LRP1B: variants seen among roughly 807,000 people sequenced by gnomAD.
The protein encoded by LRP1B is low-density lipoprotein receptor-related protein 1B.
Under a neutral mutation model 556.6 loss-of-function variants are expected in LRP1B, and 217 were observed. That is an observed-to-expected ratio of 0.39 (90% CI 0.35 to 0.44). The LOEUF (loss-of-function observed/expected upper bound fraction) is 0.44, where lower values mean the gene tolerates loss of function less well. LRP1B is among the 20% of genes least tolerant of loss of function. The pLI is 1.00. For missense variants in LRP1B, 5,053 were observed against 5,620.8 expected (o/e 0.90, Z 3.23); for synonymous variants, 2,047 against 1,865.8 (o/e 1.10, Z -2.50).
chr2:141,816,755 G>C (rs114160597), intron 1 of LRP1B, among the ~76,000 whole-genome samples: 2,028 of 151,818 alleles, frequency 0.013, 15 homozygotes, highest in Non-Finnish European at 0.021. Context: ...CATGTATATA[G>C]AGATATACAC....
intron 3 of LRP1B, among the ~76,000 whole-genome samples, chr2:141,397,113 CAAA>C (rs5834824): frequency 1.4e-4 from 6 of 41,956 alleles, no homozygotes; most frequent in African/African-American, 2.5e-4. Flanking sequence ...AACTTTGTCT[CAAA>C]AAAAAAAAAA....
chr2:140,288,791 C>T (rs1193507309), intron 84 of LRP1B, among the ~76,000 whole-genome samples: 1 of 151,774 alleles, frequency 6.6e-6, no homozygotes, highest in Non-Finnish European at 1.5e-5. Context: ...TAAAAGGTTA[C>T]TGTTAGCTGT....
chr2:140,847,874 A>G (rs1284402503), intron 29 of LRP1B, among the ~76,000 whole-genome samples: 1 of 152,118 alleles, frequency 6.6e-6, no homozygotes, highest in African/African-American at 2.4e-5. Flanking sequence ...GTGAGAAAAC[A>G]TTTTTGCTCA....
At chr2:140,486,837 GCTTA>G (rs1442299311) in intron 58 of LRP1B, among the ~76,000 whole-genome samples, 1 of 151,584 alleles carries the variant, frequency 6.6e-6, no homozygotes, top group Non-Finnish European at 1.5e-5. Flanking sequence ...CTTGAATCCA[GCTTA>G]CTATTTGTTT....
At position 140,950,326 on chromosome 2, in the gene LRP1B, A is replaced by C; in HGVS notation, c.3045T>G (p.Ser1015Arg). ...CCCAGTGGCCTGGGATGCATCTGCC[A>C]CTGGAACATCTGAACTGATTATCAA... ...SCFDNQFRCS[S>R]GRCIPGHWAC... The change falls in exon 20 of 91, where the codon AGT becomes AGG. Residue 1015 changes from serine (S) to arginine (R), a missense_variant. This residue lies in a region of LRP1B where 3,619 missense variants were observed against 3,931.9 expected (regional missense o/e 0.92). Transcript: ENST00000389484. 6.2e-7 allele frequency: 1 copy of C among 1,613,224 alleles called. No homozygotes were observed. Among genetic ancestry groups the C allele is most frequent in the South Asian group, 1.1e-5 (1 of 90,926 alleles).
rs1441451 is a variant in LRP1B, at chr2:140,747,351, C to A, written c.5758+21862G>T. On this transcript the variant is annotated intron_variant, in intron 35 of 90. Coordinates refer to ENST00000389484, the MANE Select transcript of LRP1B (RefSeq NM_018557.3). The stretch of plus-strand genomic sequence containing the variant: ...CCTTAGGTACTTTGTTTCTATGCAG[C>A]CTCTCTGCATGATTTCTCCAGCATG... Among the ~76,000 whole-genome samples the A allele has an allele frequency of 3.1e-3, 467 of 152,290 alleles. 21 individuals are homozygous for A. The East Asian group carries it at 0.085, about 28-fold the overall frequency.
chr2:140,598,654 C>G lies in LRP1B; in HGVS notation c.7171G>C (p.Glu2391Gln), dbSNP rs1483841935. 6.2e-6 allele frequency: 10 copies of G among 1,613,388 alleles called. No individual in the cohort carries two copies. The highest frequency in any genetic ancestry group is 5.9e-6 in the Non-Finnish European group (7 of 1,179,554). Residue 2391 changes from glutamate (E) to glutamine (Q), a missense_variant, in exon 43 of 91, where the codon GAA (glutamate) becomes CAA (glutamine). Transcript: ENST00000389484. ...DGSLGKIERC[E>Q]YDGSQRHVIV... ...ACATGTCTCTGGGATCCATCGTATTCACACCTTTCAATTTTTCCTAGACTG... is the reference window on the plus strand; with the variant it reads ...ACATGTCTCTGGGATCCATCGTATTGACACCTTTCAATTTTTCCTAGACTG...
At chr2:140,580,435 A>G (rs1459096554) in intron 43 of LRP1B, among the ~76,000 whole-genome samples, 1 of 152,238 alleles carries the variant, frequency 6.6e-6, no homozygotes, top group Non-Finnish European at 1.5e-5. Flanking sequence ...GTGATGAAGC[A>G]TCATTTTAAC....
intron 67 of LRP1B, among the ~76,000 whole-genome samples, chr2:140,384,313 G>A (rs1683666317): frequency 6.6e-6 from 1 of 152,118 alleles, no homozygotes; most frequent in Admixed American, 6.6e-5. Context: ...TCATAAATAA[G>A]CAGAAAGTAT....
At chr2:141,796,488 A>G (rs1695815390) in intron 2 of LRP1B, among the ~76,000 whole-genome samples, 1 of 150,868 alleles carries the variant, frequency 6.6e-6, no homozygotes, top group South Asian at 2.1e-4. Context: ...AGGCTCTTTT[A>G]AAAAAAACTA....
Position 140,343,189 on chromosome 2 carries a change from C to A in LRP1B, c.11893-7351G>T, listed in dbSNP as rs535691537. ...TAAAACATGAGAAAATATGTTCAAACTTCACAGTATAGAAAATACACATCA... is the reference window on the plus strand; with the variant it reads ...TAAAACATGAGAAAATATGTTCAAAATTCACAGTATAGAAAATACACATCA... On this transcript the variant is annotated intron_variant, in intron 77 of 90. Transcript: ENST00000389484. Among the ~76,000 whole-genome samples the A allele has an allele frequency of 1.8e-4, 27 of 151,548 alleles. 1 individual carries two copies. The South Asian group carries it at 5.6e-3, about 31-fold the overall frequency.
intron 41 of LRP1B, among the ~76,000 whole-genome samples, chr2:140,671,797 A>G (rs1286123815): frequency 6.6e-6 from 1 of 152,178 alleles, no homozygotes; most frequent in Non-Finnish European, 1.5e-5. Context: ...CACGTGAGGT[A>G]ACAAATTCAC....
chr2:141,854,060 G>A (rs1015275442), intron 1 of LRP1B, among the ~76,000 whole-genome samples: 4 of 151,896 alleles, frequency 2.6e-5, no homozygotes, highest in Admixed American at 6.6e-5. Context: ...TGTAAAGTAT[G>A]CAACAAACCA....
rs777753116 is a variant in LRP1B at position 141,005,459 on chromosome 2, T to TGCAAGAGGAAGAAA, written c.2381-16_2381-3dup. The TGCAAGAGGAAGAAA allele has an allele frequency of 2.5e-6, 4 of 1,609,110 alleles. No individual in the cohort carries two copies. Among genetic ancestry groups the TGCAAGAGGAAGAAA allele is most frequent in the Non-Finnish European group, 2.5e-6 (3 of 1,176,970 alleles). On this transcript the variant is annotated splice_polypyrimidine_tract_variant and splice_region_variant and intron_variant, in intron 14 of 90. Coordinates refer to ENST00000389484, the MANE Select transcript of LRP1B (RefSeq NM_018557.3). Reference sequence around the variant, plus strand: ...TATTTACTCGGCACATATTGTCACCTGCAAGAGGAAGAAAGCAAATGTGTC... The same window carrying TGCAAGAGGAAGAAA: ...TATTTACTCGGCACATATTGTCACCTGCAAGAGGAAGAAAGCAAGAGGAAGAAAGCAAATGTGTC...
chr2:141,931,476 T>C (rs183031228), intron 1 of LRP1B, among the ~76,000 whole-genome samples: 24 of 152,044 alleles, frequency 1.6e-4, no homozygotes, highest in African/African-American at 5.5e-4. Flanking sequence ...ACTCAGAAAA[T>C]AGAGAAAGAA....
At chr2:141,367,662 TTAG>T (rs1427320652) in intron 3 of LRP1B, among the ~76,000 whole-genome samples, 1 of 151,586 alleles carries the variant, frequency 6.6e-6, no homozygotes, top group Non-Finnish European at 1.5e-5. Flanking sequence ...TTTTATACTT[TTAG>T]TAGAGACAGA....
At chr2:140,592,654 T>C (rs1466434400) in intron 43 of LRP1B, among the ~76,000 whole-genome samples, 1 of 151,984 alleles carries the variant, frequency 6.6e-6, no homozygotes, top group African/African-American at 2.4e-5. Flanking sequence ...GATATATAGA[T>C]AAGAAAGATA....
intron 41 of LRP1B, among the ~76,000 whole-genome samples, chr2:140,684,558 T>A (rs1345685153): frequency 6.6e-6 from 1 of 152,120 alleles, no homozygotes; most frequent in Non-Finnish European, 1.5e-5. Flanking sequence ...AATAGAGAAG[T>A]TTTTGCCATT....
chr2:140,951,518 G>T (rs1263689279), intron 19 of LRP1B, among the ~76,000 whole-genome samples: 1 of 152,120 alleles, frequency 6.6e-6, no homozygotes, highest in Non-Finnish European at 1.5e-5. Context: ...CAATGTATAA[G>T]CTTCTCCTCC....
Sources: gnomAD v4.1 joint callset for allele counts (sites outside exome capture counted in the v4.1 genomes callset) on GRCh38, gnomAD v4.1.1 for gene constraint, gnomAD v4.1.1 regional missense constraint, MANE v1.5 for transcripts, NCBI Gene and HGNC (gene_info 2026-07-23, HGNC 2026-07-21) for gene names.